Variants in PRKCH observed in about 807,000 individuals in gnomAD.
PRKCH encodes the protein protein kinase C eta.
PRKCH carries 28 observed loss-of-function variants against 82.5 expected under a neutral mutation model. The observed-to-expected ratio is 0.34, with a 90% CI of 0.25 to 0.47. The LOEUF (loss-of-function observed/expected upper bound fraction) is 0.47, where lower values mean the gene tolerates loss of function less well. Among genes scored for constraint, PRKCH ranks in the 20% least tolerant of loss-of-function variants. PRKCH has a pLI of 1.00. For missense variants in PRKCH, 705 were observed against 881.8 expected (o/e 0.80, Z 2.54); for synonymous variants, 322 against 327.4 (o/e 0.98, Z 0.18).
chr14:61,392,222 T>A (rs932939259), intron 2 of PRKCH, among the ~76,000 whole-genome samples: 2 of 152,184 alleles, frequency 1.3e-5, no homozygotes, highest in Non-Finnish European at 2.9e-5. Context: ...TTATTAACCT[T>A]CTTACACATA....
intron 1 of PRKCH, among the ~76,000 whole-genome samples, chr14:61,261,679 A>G (rs112055986): frequency 6.7e-6 from 1 of 149,830 alleles, no homozygotes; most frequent in South Asian, 2.1e-4. Flanking sequence ...TTTTTTTTTT[A>G]ATTTATTTTT....
intron 7 of PRKCH, among the ~76,000 whole-genome samples, chr14:61,453,577 T>C (rs1487563773): frequency 6.6e-6 from 1 of 151,520 alleles, no homozygotes; most frequent in Non-Finnish European, 1.5e-5. Flanking sequence ...TCTCCCTTTT[T>C]TTTCTCTCTC....
chr14:61,314,458 C>T (rs1335177312), intron 1 of PRKCH, among the ~76,000 whole-genome samples: 2 of 152,310 alleles, frequency 1.3e-5, no homozygotes, highest in East Asian at 1.9e-4. Context: ...TAACCTCACT[C>T]GATTTTCCTG....
intron 1 of PRKCH, among the ~76,000 whole-genome samples, chr14:61,198,842 A>G (rs2044459343): frequency 6.6e-6 from 1 of 152,228 alleles, no homozygotes; most frequent in Non-Finnish European, 1.5e-5. Flanking sequence ...GCAGAAATAA[A>G]CAGATTTTCA....
intron 9 of PRKCH, among the ~76,000 whole-genome samples, chr14:61,476,778 GTA>G (rs1228807015): frequency 6.6e-6 from 1 of 152,180 alleles, no homozygotes; most frequent in Non-Finnish European, 1.5e-5. Flanking sequence ...CAGACAGGAT[GTA>G]TCTTGCCTGT....
chr14:61,281,506 T>C lies in PRKCH; in HGVS notation c.-19+93838T>C, dbSNP rs531028019. 3.9e-4 allele frequency: 70 copies of C among 179,568 alleles called. 3 individuals are homozygous for C. The East Asian group carries it at 0.012, about 31-fold the overall frequency. 11.1% of individuals were successfully genotyped at this position (179,568 alleles called of 1,614,324 possible). On this transcript the variant is annotated intron_variant, in intron 1 of 3. Transcript: ENST00000555185. The stretch of plus-strand genomic sequence containing the variant: ...TCAGTCCAGGTCATCGGACTCCACC[T>C]CCTCTCCTAGGTGAGTGGCGGCCCC...
intron 2 of PRKCH, among the ~76,000 whole-genome samples, chr14:61,408,127 A>G (rs7145099): frequency 0.93 from 142,007 of 152,186 alleles, 67,011 homozygotes; most frequent in East Asian, 1. Context: ...TTCTTTACTG[A>G]AGTCAAAACT....
intron 1 of PRKCH, among the ~76,000 whole-genome samples, chr14:61,284,794 G>A (rs1420609012): frequency 6.6e-6 from 1 of 152,076 alleles, no homozygotes; most frequent in African/African-American, 2.4e-5. Context: ...GGCATTTCTA[G>A]TCCAAATACT....
intron 10 of PRKCH, among the ~76,000 whole-genome samples, chr14:61,514,830 T>A (rs1306388158): frequency 2.6e-5 from 4 of 152,122 alleles, no homozygotes; most frequent in Non-Finnish European, 5.9e-5. Flanking sequence ...GAGAAATAAG[T>A]CATATAACAG....
At chr14:61,253,047 TGGA>T (rs2044960614) in intron 1 of PRKCH, among the ~76,000 whole-genome samples, 1 of 152,334 alleles carries the variant, frequency 6.6e-6, no homozygotes, top group African/African-American at 2.4e-5. Context: ...GTGGTGCTTT[TGGA>T]GGAGGAGAAA....
chr14:61,466,703 C>CA (rs994275497), intron 9 of PRKCH, among the ~76,000 whole-genome samples: 20 of 152,152 alleles, frequency 1.3e-4, no homozygotes, highest in African/African-American at 4.8e-4. Context: ...AAGTACTCCT[C>CA]ATTGTTTTGG....
chr14:61,245,066 C>A (rs2044868545), intron 1 of PRKCH, among the ~76,000 whole-genome samples: 1 of 152,194 alleles, frequency 6.6e-6, no homozygotes, highest in South Asian at 2.1e-4. Context: ...CAGCTGACAT[C>A]TCTATGTTTC....
At chr14:61,496,118 G>A (rs903113332) in intron 10 of PRKCH, among the ~76,000 whole-genome samples, 10 of 152,178 alleles carry the variant, frequency 6.6e-5, no homozygotes, top group Non-Finnish European at 1.2e-4. Context: ...AGATGAATTC[G>A]GGCGTCATGG....
At chr14:61,224,729 C>T (rs2044683388) in intron 1 of PRKCH, among the ~76,000 whole-genome samples, 1 of 152,166 alleles carries the variant, frequency 6.6e-6, no homozygotes, top group African/African-American at 2.4e-5. Context: ...CCTTAATCAC[C>T]TGGCTAACGT....
chr14:61,429,040 C>T (rs896166278), intron 2 of PRKCH, among the ~76,000 whole-genome samples: 1 of 152,112 alleles, frequency 6.6e-6, no homozygotes, highest in Admixed American at 6.5e-5. Context: ...AAAATAAGTT[C>T]TTAAAGGAAA....
At chr14:61,328,298 C>G (rs1012562296) in intron 1 of PRKCH, among the ~76,000 whole-genome samples, 1 of 147,512 alleles carries the variant, frequency 6.8e-6, no homozygotes, top group Non-Finnish European at 1.5e-5. Context: ...CTGGGCCTGA[C>G]TGCTATATTC....
chr14:61,217,051 G>T (rs999076202), intron 1 of PRKCH, among the ~76,000 whole-genome samples: 1 of 152,114 alleles, frequency 6.6e-6, no homozygotes, highest in Non-Finnish European at 1.5e-5. Context: ...CTTTAGATTT[G>T]CACCCTTTAC....
At chr14:61,433,581 A>G (rs1883525427) in intron 2 of PRKCH, among the ~76,000 whole-genome samples, 1 of 152,200 alleles carries the variant, frequency 6.6e-6, no homozygotes, top group African/African-American at 2.4e-5. Context: ...TAAATGAGAA[A>G]AATACACAGA....
chr14:61,329,254 T>TTTTTTTTTTTTTTTA (rs1555375988), intron 1 of PRKCH, among the ~76,000 whole-genome samples: 1 of 122,440 alleles, frequency 8.2e-6, no homozygotes. Context: ...TTTTTTTTTT[T>TTTTTTTTTTTTTTTA]GAGACAGAAT....
Sources: allele counts gnomAD v4.1 joint callset (sites outside exome capture counted in the v4.1 genomes callset), GRCh38; gene constraint gnomAD v4.1.1; transcripts MANE v1.5; gene names NCBI Gene and HGNC (gene_info 2026-07-23, HGNC 2026-07-21).